The following DOCK8 variants were observed in gnomAD, a reference collection of about 807,000 sequenced individuals.
The protein encoded by DOCK8 is dedicator of cytokinesis 8.
In DOCK8, 141 loss-of-function variants were observed where a neutral mutation model predicts 245.6. The ratio of observed to expected loss-of-function variants is 0.57; its 90% CI spans 0.50 to 0.66. The LOEUF (loss-of-function observed/expected upper bound fraction) is 0.66. DOCK8 is among the 30% of genes least tolerant of loss of function. The pLI, the probability that DOCK8 is intolerant of heterozygous loss-of-function variation, is 0.00. For missense variants in DOCK8, 2,965 were observed against 2,603.4 expected, an observed-to-expected ratio of 1.14 and a Z score of -3.02; for synonymous variants, 1,168 against 970.2, an observed-to-expected ratio of 1.20 and a Z score of -3.79.
At chr9:398,973 A>G (rs1010104739) in intron 25 of DOCK8, among the ~76,000 whole-genome samples, 173 bp from the exon 26 acceptor site, 8 of 152,228 alleles carry the variant, frequency 5.3e-5, no homozygotes, top group Non-Finnish European at 1.2e-4. Flanking sequence ...ACTTGATTCA[A>G]CCTCACAGTC....
chr9:461,678 A>C (rs1248826202), intron 46 of DOCK8, among the ~76,000 whole-genome samples: 1 of 151,692 alleles, frequency 6.6e-6, no homozygotes, highest in Non-Finnish European at 1.5e-5. Flanking sequence ...AATAGCTGGG[A>C]CTGCAGTCAC....
intron 46 of DOCK8, 113 bp from the exon 47 acceptor site, chr9:463,404 A>G: frequency 7.6e-7 from 1 of 1,312,724 alleles, no homozygotes; most frequent in East Asian, 2.3e-5. Flanking sequence ...TATGCCACCC[A>G]GTTTGAAAAC....
At chr9:351,841 C>T (rs1410684786) in intron 14 of DOCK8, among the ~76,000 whole-genome samples, 1 of 152,168 alleles carries the variant, frequency 6.6e-6, no homozygotes, top group Non-Finnish European at 1.5e-5. Context: ...GCATGTAAAC[C>T]CTGCATTTTT....
chr9:408,660 A>T (rs1586944839), intron 28 of DOCK8, among the ~76,000 whole-genome samples: 1 of 152,236 alleles, frequency 6.6e-6, no homozygotes. Context: ...TAATAGCAGT[A>T]CTTTAAGTGA....
At position 400,975 on chromosome 9, in the gene DOCK8, C is replaced by T. The variant is rs372825837; in HGVS notation, c.3234+1716C>T. Among the ~76,000 whole-genome samples, 260 of 75,248 alleles carry T rather than the reference C, an allele frequency of 3.5e-3. 99 individuals carry two copies. In the African/African-American group the frequency reaches 0.094, roughly 27 times the overall value. The allele number at this position is 75,248 out of a possible 152,430, so 49.4% of individuals were successfully genotyped here. On this transcript the variant is annotated intron_variant, in intron 26 of 47. Transcript: ENST00000432829. ...CCACCACCACCACCACCTCCTCCAC[C>T]ATCACCACCTCCTCCACCACCACCA...
chr9:357,603 G>A (rs780581108), intron 14 of DOCK8, among the ~76,000 whole-genome samples: 3 of 150,580 alleles, frequency 2.0e-5, no homozygotes, highest in East Asian at 1.9e-4. Flanking sequence ...TTTTTCTGGC[G>A]TCTTAACTGC....
intron 14 of DOCK8, among the ~76,000 whole-genome samples, chr9:357,736 C>T (rs777599741): frequency 6.6e-6 from 1 of 152,156 alleles, no homozygotes; most frequent in South Asian, 2.1e-4. Flanking sequence ...CTGCTGCTTG[C>T]GATAACACCC....
chr9:375,019 A>G (rs2053461934), intron 18 of DOCK8, among the ~76,000 whole-genome samples: 1 of 152,172 alleles, frequency 6.6e-6, no homozygotes, highest in African/African-American at 2.4e-5. Flanking sequence ...ATATAAGGCC[A>G]ATTTTTTCAT....
At chr9:275,368 G>A (rs1420460795) in intron 2 of DOCK8, among the ~76,000 whole-genome samples, 1 of 152,138 alleles carries the variant, frequency 6.6e-6, no homozygotes, top group African/African-American at 2.4e-5. Flanking sequence ...AAGAGAAAAG[G>A]ATACATGATG....
Position 343,548 on chromosome 9 carries a change from A to G in DOCK8, c.1679+3227A>G, listed in dbSNP as rs2051716209. Among the ~76,000 whole-genome samples the G allele has an allele frequency of 2.0e-5, 3 of 152,186 alleles. No homozygotes were observed. In the South Asian group the frequency reaches 6.2e-4, roughly 32 times the overall value. On this transcript the variant is annotated intron_variant, in intron 14 of 47. Coordinates refer to ENST00000432829, the MANE Select transcript of DOCK8 (RefSeq NM_203447.4). ...GAGAAATACAAACAGCTATTCACAC[A>G]GGAATGGAGAGTTCTTCTTTACAGT...
At chr9:347,362 CA>C (rs2051944701) in intron 14 of DOCK8, among the ~76,000 whole-genome samples, 1 of 151,988 alleles carries the variant, frequency 6.6e-6, no homozygotes, top group African/African-American at 2.4e-5. Flanking sequence ...AAAAATTAGC[CA>C]GGGGTGGGGG....
intron 43 of DOCK8, among the ~76,000 whole-genome samples, chr9:444,407 A>G (rs943923560): frequency 1.3e-5 from 2 of 151,828 alleles, no homozygotes; most frequent in African/African-American, 2.4e-5. Context: ...ATAATTCACT[A>G]CAATGACTCA....
At chr9:350,551 A>G (rs906539208) in intron 14 of DOCK8, among the ~76,000 whole-genome samples, 4 of 152,140 alleles carry the variant, frequency 2.6e-5, no homozygotes, top group African/African-American at 9.7e-5. Flanking sequence ...CTAGGGAGAG[A>G]TAAAGGGCAG....
At chr9:245,612 C>T (rs1252436555) in intron 1 of DOCK8, among the ~76,000 whole-genome samples, 4 of 152,176 alleles carry the variant, frequency 2.6e-5, no homozygotes, top group African/African-American at 9.7e-5. Context: ...GAAGGGTTCT[C>T]TCAATAGCAT....
chr9:448,386 G>A (rs904424199), intron 44 of DOCK8, among the ~76,000 whole-genome samples: 2 of 152,194 alleles, frequency 1.3e-5, no homozygotes, highest in African/African-American at 2.4e-5. Flanking sequence ...GGGATTACAA[G>A]TGTGAGCCAC....
At chr9:311,206 A>T (rs2050093613) in intron 5 of DOCK8, among the ~76,000 whole-genome samples, 1 of 151,628 alleles carries the variant, frequency 6.6e-6, no homozygotes. Context: ...AATTGCTTGA[A>T]CCTGGGAGGC....
At chr9:388,249 C>G (rs192668422) in intron 23 of DOCK8, among the ~76,000 whole-genome samples, 1 of 152,276 alleles carries the variant, frequency 6.6e-6, no homozygotes, top group East Asian at 1.9e-4. Context: ...AACCCCACGC[C>G]TCTCTCAAGT....
chr9:316,687 G>A (rs1311029060), intron 6 of DOCK8, among the ~76,000 whole-genome samples: 2 of 152,162 alleles, frequency 1.3e-5, no homozygotes, highest in Admixed American at 6.5e-5. Context: ...TTGCAAATGT[G>A]TAATTAGAGT....
At chr9:445,496 A>T (rs565729907) in intron 43 of DOCK8, among the ~76,000 whole-genome samples, 2 of 152,272 alleles carry the variant, frequency 1.3e-5, no homozygotes, top group African/African-American at 4.8e-5. Flanking sequence ...GTGTGTTTAA[A>T]TGAGGCCTAG....
Sources: allele counts gnomAD v4.1 joint callset (sites outside exome capture counted in the v4.1 genomes callset), GRCh38; gene constraint gnomAD v4.1.1; transcripts MANE v1.5; gene names NCBI Gene and HGNC (gene_info 2026-07-23, HGNC 2026-07-21).